Variants in WARS1 observed in about 807,000 individuals in gnomAD.
WARS1 encodes tryptophanyl-tRNA synthetase 1, also known as tryptophan--tRNA ligase, cytoplasmic.
In WARS1, 17 loss-of-function variants were observed where a neutral mutation model predicts 47.8. That is an observed-to-expected ratio of 0.36 (90% CI 0.24 to 0.53). The LOEUF (loss-of-function observed/expected upper bound fraction) is 0.53, where lower values mean the gene tolerates loss of function less well. Among genes scored for constraint, WARS1 ranks in the 20% least tolerant of loss-of-function variants. The pLI, the probability that WARS1 is intolerant of heterozygous loss-of-function variation, is 0.91. For synonymous variants in WARS1, 208 were observed against 228.1 expected (o/e 0.91, Z 0.79); for missense variants, 434 against 608.0 (o/e 0.71, Z 3.01).
Position 100,342,422 on chromosome 14 carries a change from G to A in WARS1, c.1089C>T (p.Asp363=). Residue 363 remains aspartate, a synonymous_variant, in exon 9 of 11, where the codon GAC becomes GAT. Coordinates refer to ENST00000392882, the MANE Select transcript of WARS1 (RefSeq NM_004184.4). The part of the protein sequence containing the change: ...SDPNSSIFLT[D]TAKQIKTKVN... ...CCTTGGTTTTGATCTGCTTGGCCGT[G>A]TCGGTGAGGAAGATGGAGGAGTTGG... 3 of 1,614,080 alleles carry A rather than the reference G, an allele frequency of 1.9e-6. No homozygotes were observed. Among genetic ancestry groups the A allele is most frequent in the Non-Finnish European group, 2.5e-6 (3 of 1,179,982 alleles).
intron 1 of WARS1, among the ~76,000 whole-genome samples, chr14:100,372,906 C>T (rs1896433334): frequency 6.6e-6 from 1 of 152,190 alleles, no homozygotes; most frequent in African/African-American, 2.4e-5. Flanking sequence ...TCACACCCTT[C>T]TCTGCCTGAA....
At position 100,350,399 on chromosome 14, in the gene WARS1, G is replaced by GAAAAAAAA. The variant is rs56393656; in HGVS notation, c.725+3280_725+3287dup. Among the ~76,000 whole-genome samples the GAAAAAAAA allele has an allele frequency of 6.3e-3, 712 of 112,132 alleles. 39 individuals are homozygous for GAAAAAAAA. Among genetic ancestry groups the GAAAAAAAA allele is most frequent in the South Asian group, 0.012 (41 of 3,414 alleles). 73.6% of individuals were successfully genotyped at this position (112,132 alleles called of 152,430 possible). Reference sequence around the variant, plus strand: ...AGAGCAAGACTCCATCTCAAAAAAAGAAAAAAAAAAAAAAAAAGGAAGTTC... The same window carrying GAAAAAAAA: ...AGAGCAAGACTCCATCTCAAAAAAAGAAAAAAAAAAAAAAAAAAAAAAAAAGGAAGTTC... On this transcript the variant is annotated intron_variant, in intron 6 of 10. Coordinates refer to ENST00000392882, the MANE Select transcript of WARS1 (RefSeq NM_004184.4).
Position 100,342,473 on chromosome 14 carries a change from G to A in WARS1, c.1038C>T (p.Ala346=). ...HSTFFPALQG[A]QTKMSASDPN... ...GGTCGCTGGCACTCATTTTGGTCTG[G>A]GCGCCCTGCAGGGCTGGGAAGAAGG... Residue 346 remains alanine (A), a synonymous_variant, in exon 9 of 11, where the codon GCC becomes GCT. Transcript: ENST00000392882. The A allele has an allele frequency of 6.2e-7, 1 of 1,614,086 alleles. No homozygotes were observed. The highest frequency in any genetic ancestry group is 8.5e-7 in the Non-Finnish European group (1 of 1,179,996).
intron 4 of WARS1, among the ~76,000 whole-genome samples, chr14:100,357,206 C>G (rs1352107149): frequency 6.6e-6 from 1 of 152,024 alleles, no homozygotes; most frequent in African/African-American, 2.4e-5. Context: ...AAAGTTTTTC[C>G]CCTAAGATCA....
chr14:100,356,210 G>A (rs1482662248), intron 4 of WARS1, among the ~76,000 whole-genome samples: 1 of 152,126 alleles, frequency 6.6e-6, no homozygotes, highest in Non-Finnish European at 1.5e-5. Context: ...TGAAATTTGA[G>A]AATGGGCAAA....
intron 9 of WARS1, chr14:100,340,459 AGTC>A (rs773960248): frequency 6.6e-6 from 1 of 152,222 alleles, no homozygotes; most frequent in Non-Finnish European, 1.5e-5. Flanking sequence ...AAGCCACCTG[AGTC>A]GTCAGCACTG....
At chr14:100,349,560 C>T (rs1054523463) in intron 6 of WARS1, among the ~76,000 whole-genome samples, 1 of 152,346 alleles carries the variant, frequency 6.6e-6, no homozygotes, top group Non-Finnish European at 1.5e-5. Flanking sequence ...GCAACCTCTG[C>T]TATGCTGCCC....
At chr14:100,366,168 G>A (rs1895979265) in intron 2 of WARS1, 4 of 451,630 alleles carry the variant, frequency 8.9e-6, no homozygotes, top group African/African-American at 4.0e-5. Context: ...AGAGAATAGG[G>A]AGCTTCGGGG....
intron 9 of WARS1, among the ~76,000 whole-genome samples, chr14:100,337,925 A>T (rs1893861005): frequency 6.6e-6 from 1 of 152,182 alleles, no homozygotes; most frequent in Non-Finnish European, 1.5e-5. Context: ...CCTCAGAGTA[A>T]GGGAGATGGC....
In WARS1 at chr14:100,374,123, C is replaced by T. The variant is rs1209799239; in HGVS notation, c.-74+1160G>A. 4 of 152,178 alleles carry T rather than the reference C, an allele frequency of 2.6e-5. No individual in the cohort carries two copies. In the East Asian group the frequency reaches 5.8e-4, roughly 22 times the overall value. 9.4% of individuals were successfully genotyped at this position (152,178 alleles called of 1,614,324 possible). On this transcript the variant is annotated intron_variant, in intron 1 of 10. Transcript: ENST00000392882. ...TATGTACATGGTTTTGAGCAGTCTC[C>T]TGGCTTTCTTACCTTTCGAAAGGAG...
Position 100,350,399 on chromosome 14 carries a change from GAAAAAAAA to G in WARS1, c.725+3280_725+3287del, listed in dbSNP as rs56393656. Among the ~76,000 whole-genome samples the G allele has an allele frequency of 4.8e-4, 54 of 112,154 alleles. 1 individual carries two copies. The East Asian group carries it at 0.013, about 26-fold the overall frequency. 73.6% of individuals were successfully genotyped at this position (112,154 alleles called of 152,430 possible). ...AGAGCAAGACTCCATCTCAAAAAAA[GAAAAAAAA>G]AAAAAAAAAGGAAGTTCTTATTTAG... is the stretch of plus-strand genomic sequence containing the variant. On this transcript the variant is annotated intron_variant, in intron 6 of 10. Coordinates refer to ENST00000392882, the MANE Select transcript of WARS1 (RefSeq NM_004184.4).
intron 1 of WARS1, among the ~76,000 whole-genome samples, chr14:100,371,493 C>G (rs998801564): frequency 7.3e-6 from 1 of 137,294 alleles, no homozygotes; most frequent in Non-Finnish European, 1.6e-5. Flanking sequence ...TGACTCATGC[C>G]TGTAATCCCA....
At position 100,361,743 on chromosome 14, in the gene WARS1, C is replaced by T. The variant is rs770783828; in HGVS notation, c.278G>A (p.Ser93Asn). Residue 93 changes from serine (S) to asparagine (N), a missense_variant, in exon 3 of 11, where the codon AGC becomes AAC. Coordinates refer to ENST00000392882, the MANE Select transcript of WARS1 (RefSeq NM_004184.4). Reference protein sequence around the residue: ...DFVDPWTVQTSSAKGIDYDKL... With the variant: ...DFVDPWTVQTNSAKGIDYDKL... The stretch of plus-strand genomic sequence containing the variant: ...ATCGTAGTCTATGCCTTTTGCACTG[C>T]TTGTCTGTACTGTCCATGGGTCCAC... 6.2e-7 allele frequency: 1 copy of T among 1,614,116 alleles called. No homozygotes were observed. Among genetic ancestry groups the T allele is most frequent in the South Asian group, 1.1e-5 (1 of 91,086 alleles).
At chr14:100,366,905 G>C in intron 2 of WARS1, 3 of 1,609,440 alleles carry the variant, frequency 1.9e-6, no homozygotes, top group Non-Finnish European at 2.6e-6. Context: ...CCTGAATAAA[G>C]ATAAGAAGCA....
At chr14:100,351,122 G>A (rs1894951910) in intron 6 of WARS1, among the ~76,000 whole-genome samples, 1 of 152,150 alleles carries the variant, frequency 6.6e-6, no homozygotes. Context: ...ATCTAAGGAG[G>A]AGAGCTGGGA....
rs751907243 is a variant in WARS1 at position 100,335,029 on chromosome 14, G to A, written c.1262C>T (p.Thr421Ile). 30 of 1,613,410 alleles carry A rather than the reference G, an allele frequency of 1.9e-5. No homozygotes were observed. The highest frequency in any genetic ancestry group is 3.3e-4 in the Middle Eastern group (2 of 6,080). ...DKLEQIRKDY[T>I]SGAMLTGELK... ...CTCACCGGTGAGCATGGCTCCGCTGGTGTAATCCTGCCCGGAGGGAGACAG... is the reference window on the plus strand; with the variant it reads ...CTCACCGGTGAGCATGGCTCCGCTGATGTAATCCTGCCCGGAGGGAGACAG... Residue 421 changes from threonine (T) to isoleucine (I), a missense_variant, in exon 11 of 11, where the codon ACC (threonine) becomes ATC (isoleucine). This residue lies in a region of WARS1 where 347 missense variants were observed against 523.8 expected (regional missense o/e 0.66). Coordinates refer to ENST00000392882, the MANE Select transcript of WARS1 (RefSeq NM_004184.4).
At chr14:100,376,249 C>T (rs1896654850), upstream of WARS1, 2 of 508,130 alleles carry the variant, frequency 3.9e-6, no homozygotes, top group Admixed American at 4.7e-5. Context: ...GGCCTTACTC[C>T]CCTCGCTTAC....
intron 7 of WARS1, among the ~76,000 whole-genome samples, chr14:100,346,345 G>A (rs536469897): frequency 2.6e-4 from 40 of 152,278 alleles, no homozygotes; most frequent in African/African-American, 7.7e-4. Flanking sequence ...AGACTCAAAG[G>A]CCCTCTCATG....
chr14:100,365,475 G>A (rs191679888), intron 2 of WARS1: 19 of 257,910 alleles, frequency 7.4e-5, no homozygotes, highest in South Asian at 3.9e-4. Context: ...AGCTACTTAC[G>A]AGGCCAGGGC....
Sources: allele counts gnomAD v4.1 joint callset (sites outside exome capture counted in the v4.1 genomes callset), GRCh38; gene constraint gnomAD v4.1.1; regional missense constraint gnomAD v4.1.1; transcripts MANE v1.5; gene names NCBI Gene and HGNC (gene_info 2026-07-23, HGNC 2026-07-21).